LSAMP: variants seen among roughly 807,000 people sequenced by gnomAD.
The protein encoded by LSAMP is limbic system-associated membrane protein.
In LSAMP, 7 loss-of-function variants were observed where a neutral mutation model predicts 38.6. The observed-to-expected ratio is 0.18, with a 90% CI of 0.10 to 0.34. The LOEUF (loss-of-function observed/expected upper bound fraction) is 0.34, where lower values mean the gene tolerates loss of function less well. LSAMP is among the 10% of genes least tolerant of loss of function. The pLI, the probability that LSAMP is intolerant of heterozygous loss-of-function variation, is 1.00. For synonymous variants in LSAMP, 154 were observed against 166.8 expected (o/e 0.92, Z 0.59); for missense variants, 313 against 420.0 (o/e 0.75, Z 2.23).
chr3:116,190,106 C>G (rs1030361829), intron 1 of LSAMP, among the ~76,000 whole-genome samples: 49 of 149,382 alleles, frequency 3.3e-4, no homozygotes, highest in Non-Finnish European at 4.6e-4. Flanking sequence ...CACACACACA[C>G]ACACACACAC....
intron 6 of LSAMP, among the ~76,000 whole-genome samples, chr3:115,840,439 G>A (rs370698925): frequency 6.6e-5 from 10 of 152,012 alleles, no homozygotes; most frequent in African/African-American, 1.4e-4. Context: ...ATTCTCAAGC[G>A]TCTTAGGGAT....
At chr3:116,084,757 A>G (rs1707950246) in intron 2 of LSAMP, among the ~76,000 whole-genome samples, 1 of 152,134 alleles carries the variant, frequency 6.6e-6, no homozygotes, top group South Asian at 2.1e-4. Flanking sequence ...AATATAATCA[A>G]TCAGTTTTTT....
At chr3:116,437,933 G>A (rs2049377314) in intron 1 of LSAMP, among the ~76,000 whole-genome samples, 1 of 151,718 alleles carries the variant, frequency 6.6e-6, no homozygotes, top group African/African-American at 2.4e-5. Context: ...AATCTCCAAG[G>A]CCTTTCCTAT....
At chr3:116,049,641 C>T (rs150804022) in intron 2 of LSAMP, among the ~76,000 whole-genome samples, 130 of 152,232 alleles carry the variant, frequency 8.5e-4, no homozygotes, top group Non-Finnish European at 1.4e-3. Context: ...TCATGTATGA[C>T]GCTACCCATA....
At chr3:116,314,210 C>T (rs1490436774) in intron 1 of LSAMP, among the ~76,000 whole-genome samples, 1 of 152,154 alleles carries the variant, frequency 6.6e-6, no homozygotes, top group African/African-American at 2.4e-5. Context: ...TAGATTGAGT[C>T]CAACATCTAA....
chr3:116,204,462 A>G (rs1040403078), intron 1 of LSAMP, among the ~76,000 whole-genome samples: 9 of 152,044 alleles, frequency 5.9e-5, no homozygotes, highest in African/African-American at 2.2e-4. Flanking sequence ...TGTTTTAGAC[A>G]TGAAGTCCTT....
chr3:116,225,836 G>C (rs1023194601), intron 1 of LSAMP, among the ~76,000 whole-genome samples: 1 of 150,530 alleles, frequency 6.6e-6, no homozygotes, highest in African/African-American at 2.4e-5. Flanking sequence ...TATGATGTTT[G>C]GTTCTTTAAC....
chr3:116,279,948 C>T (rs975066396), intron 1 of LSAMP, among the ~76,000 whole-genome samples: 11 of 151,920 alleles, frequency 7.2e-5, no homozygotes, highest in African/African-American at 2.4e-4. Context: ...AGTTCAATAC[C>T]AGTTAAGAAA....
At chr3:115,957,415 T>G (rs1938487460) in intron 3 of LSAMP, among the ~76,000 whole-genome samples, 1 of 152,156 alleles carries the variant, frequency 6.6e-6, no homozygotes, top group Non-Finnish European at 1.5e-5. Flanking sequence ...TGCCCCAAAC[T>G]TCATCCTGAC....
At chr3:116,020,475 G>A (rs1384339346) in intron 2 of LSAMP, among the ~76,000 whole-genome samples, 2 of 152,206 alleles carry the variant, frequency 1.3e-5, no homozygotes, top group East Asian at 3.8e-4. Context: ...GGGGCTAGGT[G>A]AGGGGCAGAA....
At chr3:116,409,244 T>C (rs1288741745) in intron 1 of LSAMP, among the ~76,000 whole-genome samples, 1 of 152,020 alleles carries the variant, frequency 6.6e-6, no homozygotes, top group African/African-American at 2.4e-5. Flanking sequence ...GTGGGCAAAG[T>C]GTAGTTTCCA....
chr3:116,428,704 T>C (rs1311342601), intron 1 of LSAMP, among the ~76,000 whole-genome samples: 4 of 152,190 alleles, frequency 2.6e-5, no homozygotes, highest in African/African-American at 9.7e-5. Flanking sequence ...AAAGCTTTTC[T>C]CTTGGGACTA....
chr3:116,356,250 T>TA (rs2048222335), intron 1 of LSAMP, among the ~76,000 whole-genome samples: 1 of 152,104 alleles, frequency 6.6e-6, no homozygotes, highest in Non-Finnish European at 1.5e-5. Context: ...TATGCAGCCA[T>TA]AAAAAAGAAA....
chr3:116,203,450 C>T (rs1312200011), intron 1 of LSAMP, among the ~76,000 whole-genome samples: 11 of 151,326 alleles, frequency 7.3e-5, no homozygotes, highest in Non-Finnish European at 1.5e-4. Flanking sequence ...GCACATTGTG[C>T]AGGTTAGTTA....
At chr3:115,910,442 C>T (rs1399990406) in intron 3 of LSAMP, among the ~76,000 whole-genome samples, 1 of 151,934 alleles carries the variant, frequency 6.6e-6, no homozygotes, top group East Asian at 1.9e-4. Flanking sequence ...ACTACTCTAC[C>T]CCCATTTGAT....
At chr3:116,241,571 C>T (rs7653282) in intron 1 of LSAMP, among the ~76,000 whole-genome samples, 106,078 of 151,414 alleles carry the variant, frequency 0.7, 38,693 homozygotes, top group South Asian at 0.84. Flanking sequence ...GTCTAAAAAA[C>T]AGATAGATAG....
intron 3 of LSAMP, among the ~76,000 whole-genome samples, chr3:115,967,548 C>T (rs765364689): frequency 3.9e-5 from 6 of 152,116 alleles, no homozygotes; most frequent in South Asian, 2.1e-4. Flanking sequence ...AGCAGCACCC[C>T]ACTCCTGGTA....
chr3:116,172,140 GCTT>G (rs1710216322), intron 1 of LSAMP, among the ~76,000 whole-genome samples: 1 of 151,756 alleles, frequency 6.6e-6, no homozygotes, highest in South Asian at 2.1e-4. Flanking sequence ...TATCAATTGA[GCTT>G]CTAGATCATG....
Position 116,052,097 on chromosome 3 carries a change from A to G in LSAMP, c.389-32457T>C, listed in dbSNP as rs150205961. 1.4e-3 allele frequency among the ~76,000 whole-genome samples: 213 copies of G among 152,356 alleles called. 1 individual carries two copies. The highest frequency in any genetic ancestry group is 4.7e-3 in the African/African-American group (197 of 41,594). ...CTTGCCATTTTTGGGCTGGCCAGTGATCCAAGTACTTCAGCACTGTAGACA... is the reference window on the plus strand; with the variant it reads ...CTTGCCATTTTTGGGCTGGCCAGTGGTCCAAGTACTTCAGCACTGTAGACA... On this transcript the variant is annotated intron_variant, in intron 2 of 6. Coordinates refer to ENST00000490035, the MANE Select transcript of LSAMP (RefSeq NM_002338.5).
Sources: allele counts gnomAD v4.1 joint callset (sites outside exome capture counted in the v4.1 genomes callset), GRCh38; gene constraint gnomAD v4.1.1; transcripts MANE v1.5; gene names NCBI Gene and HGNC (gene_info 2026-07-23, HGNC 2026-07-21).